The following EPHA4 variants were observed in gnomAD, a reference collection of about 807,000 sequenced individuals.
EPHA4 encodes the protein ephrin type-A receptor 4.
In EPHA4, 19 loss-of-function variants were observed where a neutral mutation model predicts 108.3. The ratio of observed to expected loss-of-function variants is 0.18; its 90% confidence interval spans 0.12 to 0.26. The LOEUF is 0.26. Ranked by LOEUF, EPHA4 falls within the 10% of genes least tolerant of loss-of-function variation. The probability of loss-of-function intolerance (pLI) is 1.00; values close to 1 mark genes in which losing one functional copy is unlikely to be tolerated. For synonymous variants in EPHA4, 449 were observed against 455.5 expected (o/e 0.99, Z 0.18); for missense variants, 917 against 1,254.0 (o/e 0.73, Z 4.06).
At chr2:221,483,901 G>A (rs938438944) in intron 4 of EPHA4, among the ~76,000 whole-genome samples, 3 of 152,146 alleles carry the variant, frequency 2.0e-5, no homozygotes, top group Non-Finnish European at 4.4e-5. Flanking sequence ...GTCTGAACCA[G>A]TTCCAAAGGC....
At chr2:221,559,813 C>T (rs937912087) in intron 3 of EPHA4, among the ~76,000 whole-genome samples, 2 of 152,166 alleles carry the variant, frequency 1.3e-5, no homozygotes, top group Non-Finnish European at 2.9e-5. Flanking sequence ...GTTCAAAGGG[C>T]TGCTAACTCC....
rs2106080407 is a variant in EPHA4, at chr2:221,418,419, A to G, written c.*2953T>C. 1 of 152,762 alleles carries G rather than the reference A, an allele frequency of 6.5e-6. No individual in the cohort carries two copies. Among genetic ancestry groups the G allele is most frequent in the East Asian group, 1.9e-4 (1 of 5,188 alleles). 9.5% of individuals were successfully genotyped at this position (152,762 alleles called of 1,614,324 possible). A position where few individuals can be genotyped will look rare whatever the true frequency, so the allele number is the denominator to read the frequency against. ...ATCAATGCTTGATGTTGTTTGGAGA[A>G]TGTTAAATAAGTGAAAATATTGCTT... On this transcript the variant is annotated 3_prime_UTR_variant, in exon 18 of 18. Coordinates refer to ENST00000281821, the MANE Select transcript of EPHA4 (RefSeq NM_004438.5).
chr2:221,460,728 C>A (rs549651654), intron 5 of EPHA4, among the ~76,000 whole-genome samples: 1 of 152,262 alleles, frequency 6.6e-6, no homozygotes, highest in East Asian at 1.9e-4. Context: ...TTCAACTTTA[C>A]ATCTAGAAGG....
At chr2:221,566,133 A>C (rs975181367) in intron 2 of EPHA4, among the ~76,000 whole-genome samples, 6 of 152,196 alleles carry the variant, frequency 3.9e-5, no homozygotes, top group African/African-American at 1.4e-4. Flanking sequence ...CACTTTCCCT[A>C]ATTCTCATGT....
intron 3 of EPHA4, among the ~76,000 whole-genome samples, chr2:221,521,596 T>C (rs1323566840): frequency 6.6e-6 from 1 of 152,114 alleles, no homozygotes; most frequent in Non-Finnish European, 1.5e-5. Context: ...GTTCATGAAC[T>C]GTAGATTCAG....
intron 3 of EPHA4, among the ~76,000 whole-genome samples, chr2:221,505,574 T>C (rs918844729): frequency 2.0e-5 from 3 of 152,164 alleles, no homozygotes; most frequent in African/African-American, 7.2e-5. Context: ...TCCGCCCGCC[T>C]CGGCCTCCCA....
chr2:221,432,085 A>G (rs984319483), intron 14 of EPHA4, among the ~76,000 whole-genome samples: 2 of 151,180 alleles, frequency 1.3e-5, no homozygotes, highest in Admixed American at 1.3e-4. Flanking sequence ...AAGCCAGAGA[A>G]CTGAAAGTTC....
At chr2:221,572,522 G>A (rs1694880712), upstream of EPHA4, 1 of 244,078 alleles carries the variant, frequency 4.1e-6, no homozygotes. Context: ...GCCGGTCCCC[G>A]CCCCCGCCTG....
chr2:221,553,284 T>C (rs1385191921), intron 3 of EPHA4, among the ~76,000 whole-genome samples: 1 of 152,212 alleles, frequency 6.6e-6, no homozygotes, highest in Non-Finnish European at 1.5e-5. Flanking sequence ...TTGCGAACGG[T>C]TATTAAAGGA....
chr2:221,534,066 T>C (rs953409965), intron 3 of EPHA4, among the ~76,000 whole-genome samples: 4 of 152,228 alleles, frequency 2.6e-5, no homozygotes, highest in Non-Finnish European at 4.4e-5. Context: ...ATTTAATCTG[T>C]TGAATCTAGG....
At chr2:221,485,242 A>G (rs181260486) in intron 4 of EPHA4, among the ~76,000 whole-genome samples, 88 of 152,314 alleles carry the variant, frequency 5.8e-4, no homozygotes, top group African/African-American at 1.9e-3. Context: ...GCAGAAAACT[A>G]AATGGTTTCA....
chr2:221,454,297 T>C (rs1426182771), intron 8 of EPHA4, among the ~76,000 whole-genome samples: 1 of 151,820 alleles, frequency 6.6e-6, no homozygotes, highest in Admixed American at 6.6e-5. Flanking sequence ...AAAAGCATAG[T>C]GGCTTGCCCA....
intron 15 of EPHA4, 134 bp downstream of exon 15, chr2:221,429,824 G>A: frequency 1.1e-6 from 1 of 884,196 alleles, no homozygotes; most frequent in East Asian, 2.5e-5. Flanking sequence ...TACTAATTGA[G>A]AAAGAAGCCA....
intron 4 of EPHA4, among the ~76,000 whole-genome samples, chr2:221,490,407 C>A (rs150014201): frequency 3.2e-4 from 49 of 152,198 alleles, no homozygotes; most frequent in African/African-American, 1.2e-3. Flanking sequence ...GATTTTTAAT[C>A]GCCATTTTAA....
chr2:221,539,196 G>A (rs1035194322), intron 3 of EPHA4, among the ~76,000 whole-genome samples: 2 of 152,158 alleles, frequency 1.3e-5, no homozygotes, highest in African/African-American at 4.8e-5. Context: ...TCCCAGCCAC[G>A]GTTCATGTGT....
At chr2:221,505,948 T>TG (rs1004877477) in intron 3 of EPHA4, among the ~76,000 whole-genome samples, 1 of 152,168 alleles carries the variant, frequency 6.6e-6, no homozygotes, top group African/African-American at 2.4e-5. Flanking sequence ...TGGACATTAA[T>TG]GGGGGGTTAA....
At chr2:221,563,488 A>G (rs961730752) in intron 3 of EPHA4, among the ~76,000 whole-genome samples, 24 of 152,210 alleles carry the variant, frequency 1.6e-4, no homozygotes, top group Admixed American at 1.1e-3. Context: ...CAGTTCAGAT[A>G]TAAGTGCCTG....
rs564385818 is a variant in EPHA4 at position 221,438,877 on chromosome 2, C to T, written c.2075-1755G>A. ...AGAAAAATGGGCTGAACTATTTCACCGCTGAAAAGCACCCATAATTATTCT... is the reference window on the plus strand; with the variant it reads ...AGAAAAATGGGCTGAACTATTTCACTGCTGAAAAGCACCCATAATTATTCT... On this transcript the variant is annotated intron_variant, in intron 11 of 17. Coordinates refer to ENST00000281821, the MANE Select transcript of EPHA4 (RefSeq NM_004438.5). 4.6e-5 allele frequency among the ~76,000 whole-genome samples: 7 copies of T among 152,256 alleles called. No homozygotes were observed. In the East Asian group the frequency reaches 5.8e-4, roughly 13 times the overall value.
chr2:221,437,944 AC>A (rs138117621), intron 11 of EPHA4, among the ~76,000 whole-genome samples: 37,898 of 151,512 alleles, frequency 0.25, 4,899 homozygotes, highest in African/African-American at 0.31. Flanking sequence ...AAACAAAAAA[AC>A]AAGCATGCGA....
Sources: gnomAD v4.1 joint callset for allele counts (sites outside exome capture counted in the v4.1 genomes callset) on GRCh38, gnomAD v4.1.1 for gene constraint, MANE v1.5 for transcripts, NCBI Gene and HGNC (gene_info 2026-07-23, HGNC 2026-07-21) for gene names.